The following APC variants were observed in gnomAD, a reference collection of about 807,000 sequenced individuals.
APC encodes the protein adenomatous polyposis coli protein.
APC carries 72 observed loss-of-function variants against 247.0 expected under a neutral mutation model. The observed-to-expected ratio is 0.29, with a 90% CI of 0.24 to 0.35. APC has a LOEUF of 0.35. APC is among the 10% of genes least tolerant of loss of function. The pLI is 1.00. For missense variants in APC, 3,400 were observed against 3,360.7 expected (o/e 1.01, Z -0.29); for synonymous variants, 1,254 against 1,162.5 (o/e 1.08, Z -1.60).
rs1580652396 is a variant in APC at position 112,840,366 on chromosome 5, C to G, written c.4772C>G (p.Ala1591Gly). The G allele has an allele frequency of 6.2e-7, 1 of 1,614,106 alleles. No homozygotes were observed. Among genetic ancestry groups the G allele is most frequent in the African/African-American group, 1.3e-5 (1 of 75,018 alleles). ...ATGCCAACAAAGTCATCACGTAAAG[C>G]AAAAAAGCCAGCCCAGACTGCTTCA... The part of the protein sequence containing the change: ...SAMPTKSSRK[A>G]KKPAQTASKL... The change falls in exon 16 of 16, where the codon GCA becomes GGA. Residue 1591 changes from alanine to glycine, a missense_variant. Around this residue, in one of 9 missense-constraint regions of APC, gnomAD observed 1,788 missense variants for 1,649.5 expected, o/e 1.08. Transcript: ENST00000257430. This position sits in a 1 kb window ranked among gnomAD's most constrained non-coding sequence, Gnocchi z 4.1.
intron 4 of APC, among the ~76,000 whole-genome samples, chr5:112,774,174 C>G (rs550368066): frequency 6.6e-6 from 1 of 151,910 alleles, no homozygotes; most frequent in East Asian, 1.9e-4. Context: ...GTAGTGTATC[C>G]CTACATAGAT....
At chr5:112,781,162 G>T (rs1213209551) in intron 6 of APC, among the ~76,000 whole-genome samples, 1 of 152,162 alleles carries the variant, frequency 6.6e-6, no homozygotes, top group Non-Finnish European at 1.5e-5. Context: ...TTAGATGGTG[G>T]TCTTCCGGTA....
At chr5:112,827,012 TTGAG>T in intron 11 of APC, 92 bp from the exon 12 acceptor site, 1 of 1,218,018 alleles carries the variant, frequency 8.2e-7, no homozygotes. Flanking sequence ...TTCTCATTGA[TTGAG>T]TTTTTTTTTC....
rs2149944425 is a variant in APC, at chr5:112,841,200, A to T, written c.5606A>T (p.Asp1869Val). The T allele has an allele frequency of 6.2e-7, 1 of 1,614,016 alleles. No homozygotes were observed. The highest frequency in any genetic ancestry group is 8.5e-7 in the Non-Finnish European group (1 of 1,179,896). The change falls in exon 16 of 16, where the codon GAT (aspartate) becomes GTT (valine). Residue 1869 changes from aspartate to valine, a missense_variant. By Grantham distance (152) the Asp-to-Val change is radical. Transcript: ENST00000257430. The surrounding 1 kb of genome is among the most constrained non-coding windows in gnomAD (Gnocchi z 4.6). ...TCTTTGAGTTCTCTAGATTTTGATG[A>T]TGATGATGTTGACCTTTCCAGGGAA... ...NDSLSSLDFDDDDVDLSREKA... is the reference protein window; with the variant it reads ...NDSLSSLDFDVDDVDLSREKA...
intron 1 of APC, among the ~76,000 whole-genome samples, chr5:112,712,210 C>T (rs1156811112): frequency 1.3e-5 from 2 of 151,886 alleles, no homozygotes; most frequent in Middle Eastern, 3.2e-3. Flanking sequence ...GTGATCATAT[C>T]CTTTATGATA....
intron 15 of APC, among the ~76,000 whole-genome samples, chr5:112,836,716 CT>C (rs984099977): frequency 3.3e-5 from 5 of 151,106 alleles, no homozygotes; most frequent in African/African-American, 7.3e-5. Context: ...TCTTTTTTTT[CT>C]TTTTTTTGAG....
rs79334785 is a variant in APC at position 112,745,682 on chromosome 5, C to A, written c.-19+7757C>A. On this transcript the variant is annotated intron_variant, in intron 1 of 15. Transcript: ENST00000257430. ...GCGATTCTCCTGTCTTAGCGACCCC[C>A]CCACCCCACACCATAGCTGGGACTA... Among the ~76,000 whole-genome samples the A allele has an allele frequency of 0.26, 39,116 of 151,852 alleles. 6,526 individuals are homozygous for A. Among genetic ancestry groups the A allele is most frequent in the East Asian group, 0.61 (3,178 of 5,168 alleles).
At chr5:112,712,818 GAATA>G (rs1750934794) in intron 1 of APC, among the ~76,000 whole-genome samples, 1 of 152,100 alleles carries the variant, frequency 6.6e-6, no homozygotes, top group South Asian at 2.1e-4. Context: ...GTCAGATCTT[GAATA>G]TATCTTGTTT....
At chr5:112,716,467 A>G (rs1242606007) in intron 1 of APC, among the ~76,000 whole-genome samples, 8 of 152,172 alleles carry the variant, frequency 5.3e-5, no homozygotes, top group Admixed American at 5.2e-4. Context: ...GTTATTTCAG[A>G]CTTAAAATTT....
Position 112,838,852 on chromosome 5 carries a change from C to G in APC, c.3258C>G (p.His1086Gln), listed in dbSNP as rs778031876. The change falls in exon 16 of 16, where the codon CAC (histidine) becomes CAG (glutamine). Residue 1086 changes from histidine to glutamine, a missense_variant. By Grantham distance (24) the His-to-Gln change is conservative. This residue lies in a region of APC where 715 missense variants were observed against 656.6 expected (regional missense o/e 1.09). Transcript: ENST00000257430. ...ATACTGAGAGCACTGATGATAAACA[C>G]CTCAAGTTCCAACCACATTTTGGAC... ...PVYTESTDDKHLKFQPHFGQQ... is the reference protein window; with the variant it reads ...PVYTESTDDKQLKFQPHFGQQ... The G allele has an allele frequency of 6.2e-7, 1 of 1,614,088 alleles. No individual in the cohort carries two copies. The highest frequency in any genetic ancestry group is 8.5e-7 in the Non-Finnish European group (1 of 1,180,008).
intron 1 of APC, among the ~76,000 whole-genome samples, chr5:112,712,160 T>C (rs1750889934): frequency 6.6e-6 from 1 of 152,182 alleles, no homozygotes; most frequent in Non-Finnish European, 1.5e-5. Flanking sequence ...AAGTAACCAG[T>C]GTCCTCAAGG....
intron 6 of APC, among the ~76,000 whole-genome samples, chr5:112,791,271 C>G (rs1759551094): frequency 6.6e-6 from 1 of 152,132 alleles, no homozygotes; most frequent in South Asian, 2.1e-4. Context: ...AAAGCAAAAG[C>G]TCTATCCTCT....
At chr5:112,791,273 C>G (rs1316572550) in intron 6 of APC, among the ~76,000 whole-genome samples, 2 of 152,104 alleles carry the variant, frequency 1.3e-5, no homozygotes, top group Non-Finnish European at 2.9e-5. Context: ...AGCAAAAGCT[C>G]TATCCTCTTT....
chr5:112,774,531 G>A lies in APC; in HGVS notation c.423-1098G>A, dbSNP rs1157162966. ...GCTGGAATGCAGTGGTATGATCTCA[G>A]CTCACTGCAGCCTTGGCCTCCTGGG... On this transcript the variant is annotated intron_variant, in intron 4 of 15. Transcript: ENST00000257430. 2.1e-5 allele frequency among the ~76,000 whole-genome samples: 3 copies of A among 140,886 alleles called. No individual in the cohort carries two copies. In the Admixed American group the frequency reaches 2.4e-4, roughly 11 times the overall value. 92.4% of individuals were successfully genotyped at this position (140,886 alleles called of 152,430 possible). A position where few individuals can be genotyped will look rare whatever the true frequency, so the allele number is the denominator to read the frequency against.
rs1037240596 is a variant in APC, at chr5:112,793,443, G to GA, written c.729+922dup. On this transcript the variant is annotated intron_variant, in intron 7 of 15. Coordinates refer to ENST00000257430, the MANE Select transcript of APC (RefSeq NM_000038.6). Reference sequence around the variant, plus strand: ...CTGCTGAGAGAACATTAAAAAGGGAGAAAAAAAATCAGAAGAATGTGACTA... The same window carrying GA: ...CTGCTGAGAGAACATTAAAAAGGGAGAAAAAAAAATCAGAAGAATGTGACTA... Among the ~76,000 whole-genome samples the GA allele has an allele frequency of 5.3e-5, 8 of 151,434 alleles. No homozygotes were observed. In the South Asian group the frequency reaches 8.4e-4, roughly 16 times the overall value.
intron 1 of APC, among the ~76,000 whole-genome samples, chr5:112,716,526 A>G (rs920913245): frequency 2.3e-4 from 35 of 151,924 alleles, no homozygotes; most frequent in Non-Finnish European, 3.5e-4. Flanking sequence ...CTCTCCATTT[A>G]TTGAGTGCAG....
chr5:112,757,867 A>G (rs989077050), intron 2 of APC, among the ~76,000 whole-genome samples: 1 of 152,212 alleles, frequency 6.6e-6, no homozygotes, highest in African/African-American at 2.4e-5. Context: ...GGTTAGGGAA[A>G]TGTGAACACT....
rs542928573 is a variant in APC at position 112,839,368 on chromosome 5, A to G, written c.3774A>G (p.Thr1258=). The change falls in exon 16 of 16, where the codon ACA becomes ACG. Residue 1258 remains threonine (T), a synonymous_variant. Transcript: ENST00000257430. The surrounding 1 kb of genome is among the most constrained non-coding windows in gnomAD (Gnocchi z 5.0). The stretch of plus-strand genomic sequence containing the variant: ...AAGTTTCTTCTATTAACCAAGAAAC[A>G]ATACAGACTTATTGTGTAGAAGATA... ...TCKVSSINQE[T]IQTYCVEDTP... 1.2e-6 allele frequency: 2 copies of G among 1,613,742 alleles called. No individual in the cohort carries two copies. Among genetic ancestry groups the G allele is most frequent in the Non-Finnish European group, 1.7e-6 (2 of 1,179,842 alleles).
At chr5:112,766,968 G>A (rs963680709) in intron 3 of APC, among the ~76,000 whole-genome samples, 2 of 152,132 alleles carry the variant, frequency 1.3e-5, no homozygotes, top group Non-Finnish European at 2.9e-5. Flanking sequence ...GGAAGTCTAA[G>A]GAAGTACATT....
Sources: gnomAD v4.1 joint callset for allele counts (sites outside exome capture counted in the v4.1 genomes callset) on GRCh38, gnomAD v4.1.1 for gene constraint, gnomAD v4.1.1 regional missense constraint, Gnocchi (gnomAD v3.1) non-coding constraint, MANE v1.5 for transcripts, NCBI Gene and HGNC (gene_info 2026-07-23, HGNC 2026-07-21) for gene names.